The following GNB1L variants were observed in gnomAD, a reference collection of about 807,000 sequenced individuals.
GNB1L encodes the protein guanine nucleotide-binding protein subunit beta-like protein 1.
GNB1L carries 20 observed loss-of-function variants against 29.1 expected under a neutral mutation model. That is an observed-to-expected ratio of 0.69 (90% CI 0.48 to 1.00). GNB1L has a LOEUF of 1.00. Ranked by LOEUF, GNB1L falls within the 50% of genes least tolerant of loss-of-function variation. The probability of loss-of-function intolerance (pLI) is 0.00; values close to 1 mark genes in which losing one functional copy is unlikely to be tolerated. For missense variants in GNB1L, 421 were observed against 464.9 expected (o/e 0.91, Z 0.87); for synonymous variants, 193 against 206.5 (o/e 0.93, Z 0.56).
chr22:19,790,948 A>C (rs1411229025), intron 7 of GNB1L, among the ~76,000 whole-genome samples: 1 of 152,224 alleles, frequency 6.6e-6, no homozygotes, highest in Non-Finnish European at 1.5e-5. Flanking sequence ...AATGATAAAG[A>C]GTACAATTCC....
At chr22:19,815,807 C>G (rs560094036) in intron 4 of GNB1L, among the ~76,000 whole-genome samples, 1 of 152,304 alleles carries the variant, frequency 6.6e-6, no homozygotes, top group South Asian at 2.1e-4. Context: ...GTCTCGAACT[C>G]TGGGCCCAAG....
At chr22:19,814,016 G>T (rs918980383) in intron 4 of GNB1L, among the ~76,000 whole-genome samples, 1 of 152,164 alleles carries the variant, frequency 6.6e-6, no homozygotes, top group Non-Finnish European at 1.5e-5. Flanking sequence ...GATCGGGGAT[G>T]TCAGAAGGAC....
chr22:19,806,599 G>T (rs28564111), intron 6 of GNB1L, 60 bp downstream of exon 6: 1 of 1,027,242 alleles, frequency 9.7e-7, no homozygotes, highest in Non-Finnish European at 1.5e-6. Flanking sequence ...CCTGAATGGA[G>T]CATGACTCAT....
At chr22:19,819,088 C>A (rs1465448321) in intron 4 of GNB1L, among the ~76,000 whole-genome samples, 5 of 152,236 alleles carry the variant, frequency 3.3e-5, no homozygotes, top group Admixed American at 3.3e-4. Context: ...GGCTAACCCT[C>A]GGGGGCTGCC....
At chr22:19,821,442 G>A in intron 2 of GNB1L, 67 bp from the exon 3 acceptor site, 7 of 1,457,034 alleles carry the variant, frequency 4.8e-6, no homozygotes, top group Non-Finnish European at 6.6e-6. Flanking sequence ...AGGCTGCTCA[G>A]GCACAGGGGT....
intron 7 of GNB1L, among the ~76,000 whole-genome samples, chr22:19,801,064 C>T (rs998523238): frequency 1.3e-5 from 2 of 152,202 alleles, no homozygotes; most frequent in Non-Finnish European, 2.9e-5. Context: ...TGGACCACAG[C>T]CCTACAGAGA....
At chr22:19,829,598 A>C (rs1159095472) in intron 2 of GNB1L, among the ~76,000 whole-genome samples, 1 of 152,198 alleles carries the variant, frequency 6.6e-6, no homozygotes, top group Non-Finnish European at 1.5e-5. Context: ...CAAAAATAGT[A>C]AGTAAAATAT....
At chr22:19,852,251 C>T (rs1938125773) in intron 2 of GNB1L, 1 of 1,604,904 alleles carries the variant, frequency 6.2e-7, no homozygotes, top group Non-Finnish European at 8.5e-7. Context: ...ACGGCACCGG[C>T]CACGAGGCAT....
intron 2 of GNB1L, among the ~76,000 whole-genome samples, chr22:19,832,715 G>C (rs1233217910): frequency 1.3e-5 from 2 of 152,126 alleles, no homozygotes; most frequent in Non-Finnish European, 2.9e-5. Context: ...TCTGATCAGG[G>C]GAACCAAGGA....
chr22:19,852,230 G>A, intron 2 of GNB1L: 1 of 1,611,618 alleles, frequency 6.2e-7, no homozygotes, highest in South Asian at 1.1e-5. Context: ...GGGAATGCGA[G>A]GGCCCTGCTG....
chr22:19,799,303 C>T (rs904764047), intron 7 of GNB1L, among the ~76,000 whole-genome samples: 1 of 152,234 alleles, frequency 6.6e-6, no homozygotes, highest in South Asian at 2.1e-4. Context: ...GATGACAACA[C>T]AGGCTCTAAC....
intron 2 of GNB1L, among the ~76,000 whole-genome samples, chr22:19,853,852 G>A (rs1189851381): frequency 6.6e-6 from 1 of 152,130 alleles, no homozygotes. Flanking sequence ...CAGTGACCCC[G>A]ATCCAGGGCC....
chr22:19,847,269 C>T (rs552623304), intron 2 of GNB1L: 35 of 984,936 alleles, frequency 3.6e-5, no homozygotes, highest in East Asian at 2.3e-4. Flanking sequence ...CAACTGTAGC[C>T]GCTGCGCTGT....
intron 7 of GNB1L, among the ~76,000 whole-genome samples, chr22:19,794,301 G>A (rs1937282639): frequency 6.6e-6 from 1 of 151,670 alleles, no homozygotes; most frequent in South Asian, 2.1e-4. Context: ...GTGTGTAGAC[G>A]TCAAGTAGAT....
chr22:19,843,415 GGCCGGTGCC>G (rs1569054838), intron 2 of GNB1L, among the ~76,000 whole-genome samples: 1 of 152,228 alleles, frequency 6.6e-6, no homozygotes, highest in African/African-American at 2.4e-5. Context: ...AGGCAGGGAG[GGCCGGTGCC>G]CAGCAGCCCG....
At chr22:19,797,607 C>T (rs796174391) in intron 7 of GNB1L, among the ~76,000 whole-genome samples, 22 of 152,314 alleles carry the variant, frequency 1.4e-4, no homozygotes, top group African/African-American at 2.4e-4. Context: ...CCACAGCCAG[C>T]GCAGCCCTCA....
intron 2 of GNB1L, among the ~76,000 whole-genome samples, chr22:19,828,623 G>A (rs1937639818): frequency 1.3e-5 from 2 of 151,598 alleles, no homozygotes; most frequent in Non-Finnish European, 2.9e-5. Context: ...TAAAGCCTGG[G>A]TGACAGAGTG....
chr22:19,851,261 G>A, intron 2 of GNB1L: 1 of 1,610,088 alleles, frequency 6.2e-7, no homozygotes, highest in South Asian at 1.1e-5. Context: ...GTCTCCCTCT[G>A]TCTCCAAAAC....
At chr22:19,802,274 G>A (rs547245567) in intron 6 of GNB1L, 58 bp from the exon 7 acceptor site, 281 of 1,377,228 alleles carry the variant, frequency 2.0e-4, no homozygotes, top group East Asian at 5.5e-4. Context: ...AGTGAGTTTC[G>A]GGGGAGAAGG....
Sources: gnomAD v4.1 joint callset for allele counts (sites outside exome capture counted in the v4.1 genomes callset) on GRCh38, gnomAD v4.1.1 for gene constraint, MANE v1.5 for transcripts, NCBI Gene and HGNC (gene_info 2026-07-23, HGNC 2026-07-21) for gene names.